The following HOXB3 variants were observed in gnomAD, a reference collection of about 807,000 sequenced individuals.
HOXB3 encodes the protein homeobox protein Hox-B3.
Under a neutral mutation model 29.2 loss-of-function variants are expected in HOXB3, and 17 were observed. That is an observed-to-expected ratio of 0.58 (90% CI 0.40 to 0.87). HOXB3 has a LOEUF of 0.87. HOXB3 is among the 40% of genes least tolerant of loss of function. The pLI is 0.00. For missense variants in HOXB3, 637 were observed against 616.3 expected (o/e 1.03, Z -0.35); for synonymous variants, 317 against 285.9 (o/e 1.11, Z -1.10).
chr17:48,560,710 G>C (rs2069161890), intron 2 of HOXB3, among the ~76,000 whole-genome samples: 1 of 152,218 alleles, frequency 6.6e-6, no homozygotes, highest in South Asian at 2.1e-4. Flanking sequence ...AGCAAGTATA[G>C]AGTGGGAGTC....
At chr17:48,582,335 C>G (rs1419578252) in intron 1 of HOXB3, 1 of 152,426 alleles carries the variant, frequency 6.6e-6, no homozygotes, top group East Asian at 1.9e-4. Flanking sequence ...CGCCCGCGGA[C>G]GCGCCGGGCA....
chr17:48,583,502 T>A (rs1055813356), intron 1 of HOXB3, among the ~76,000 whole-genome samples: 2 of 152,180 alleles, frequency 1.3e-5, no homozygotes, highest in Non-Finnish European at 2.9e-5. Context: ...GTCAGGTGAC[T>A]CCCTTTCCTC....
chr17:48,552,415 C>T lies in HOXB3; in HGVS notation c.60G>A (p.Ser20=), dbSNP rs754370144. 5.0e-6 allele frequency: 8 copies of T among 1,609,476 alleles called. No individual in the cohort carries two copies. The highest frequency in any genetic ancestry group is 2.2e-5 in the East Asian group (1 of 44,816). Residue 20 remains serine, a synonymous_variant, in exon 4 of 5, where the codon TCG becomes TCA. Coordinates refer to ENST00000498678, the MANE Select transcript of HOXB3 (RefSeq NM_001384749.1). ...AGCCGAAGCCATTGCTGCCAGGGTACGAGGAATAGCCTCCGAAGAGAGCAG... is the reference window on the plus strand; with the variant it reads ...AGCCGAAGCCATTGCTGCCAGGGTATGAGGAATAGCCTCCGAAGAGAGCAG... ...AAAALFGGYS[S]YPGSNGFGFD... is the part of the protein sequence containing the mutation.
intron 2 of HOXB3, 25 bp downstream of exon 2, chr17:48,573,812 C>T (rs1176478399): frequency 1.4e-6 from 1 of 701,270 alleles, no homozygotes; most frequent in Non-Finnish European, 2.6e-6. Flanking sequence ...TCAAAACACG[C>T]CAGCCCGGGC....
At chr17:48,562,285 C>G (rs2069224850) in intron 2 of HOXB3, among the ~76,000 whole-genome samples, 1 of 152,138 alleles carries the variant, frequency 6.6e-6, no homozygotes, top group South Asian at 2.1e-4. Flanking sequence ...CACCCGACCC[C>G]CTCCCTGCCC....
intron 1 of HOXB3, chr17:48,580,935 G>C (rs1016455204): frequency 6.6e-6 from 1 of 152,212 alleles, no homozygotes; most frequent in Non-Finnish European, 1.5e-5. Flanking sequence ...TTGGGCTGGA[G>C]GGAACTGAGA....
rs565004609 is a variant in HOXB3, at chr17:48,550,108, T to A, written c.*226A>T. 5 of 563,256 alleles carry A rather than the reference T, an allele frequency of 8.9e-6. No homozygotes were observed. The highest frequency in any genetic ancestry group is 3.1e-5 in the Admixed American group (1 of 31,746). The allele number at this position is 563,256 out of a possible 1,614,324, so 34.9% of individuals were successfully genotyped here. On this transcript the variant is annotated 3_prime_UTR_variant, in exon 5 of 5. Coordinates refer to ENST00000498678, the MANE Select transcript of HOXB3 (RefSeq NM_001384749.1). ...GTTGATGGGGTCATCTCCAATATGA[T>A]GTGGATTCCTTTCCGATGGGTTGGC...
intron 1 of HOXB3, among the ~76,000 whole-genome samples, chr17:48,585,028 A>G (rs1345547538): frequency 6.6e-6 from 1 of 150,900 alleles, no homozygotes; most frequent in African/African-American, 2.4e-5. Context: ...CACTGGCCTC[A>G]CCACCCAGGG....
At chr17:48,560,679 G>A (rs1052445674) in intron 2 of HOXB3, among the ~76,000 whole-genome samples, 46 of 152,168 alleles carry the variant, frequency 3.0e-4, no homozygotes, top group African/African-American at 1.1e-3. Context: ...TTTGGAACTG[G>A]GGGAGGAGCT....
At chr17:48,578,411 A>G in intron 1 of HOXB3, 1 of 1,465,502 alleles carries the variant, frequency 6.8e-7, no homozygotes, top group Non-Finnish European at 9.0e-7. Context: ...ACTTACTGTC[A>G]AGTGAACAAA....
At chr17:48,576,765 C>G (rs2069778329) in intron 1 of HOXB3, 4 of 1,613,698 alleles carry the variant, frequency 2.5e-6, no homozygotes, top group Non-Finnish European at 3.4e-6. Context: ...AGGGGGCCCT[C>G]CGGCTGAGCC....
chr17:48,589,436 T>C (rs1311968207), intron 1 of HOXB3, among the ~76,000 whole-genome samples: 6 of 152,074 alleles, frequency 3.9e-5, no homozygotes, highest in Non-Finnish European at 1.5e-5. Flanking sequence ...GTCTGCTCCC[T>C]AGTCTGACTT....
chr17:48,554,963 T>C lies in HOXB3; in HGVS notation c.-159+568A>G, dbSNP rs1444932380. 6.5e-6 allele frequency: 4 copies of C among 614,220 alleles called. No homozygotes were observed. In the East Asian group the frequency reaches 1.1e-4, roughly 17 times the overall value. The allele number at this position is 614,220 out of a possible 1,614,324, so 38.0% of individuals were successfully genotyped here. ...AACAGATCTATTTCCCTTGCCTCCATGTTGGAAAAATTCAGGTTCCATATG... is the reference window on the plus strand; with the variant it reads ...AACAGATCTATTTCCCTTGCCTCCACGTTGGAAAAATTCAGGTTCCATATG... On this transcript the variant is annotated intron_variant, in intron 3 of 4. Coordinates refer to ENST00000498678, the MANE Select transcript of HOXB3 (RefSeq NM_001384749.1). This position sits in a 1 kb window ranked among gnomAD's most constrained non-coding sequence, Gnocchi z 4.1.
intron 2 of HOXB3, chr17:48,560,306 C>G (rs528341232): frequency 6.6e-6 from 1 of 152,370 alleles, no homozygotes; most frequent in South Asian, 2.1e-4. Context: ...GGATTAATGA[C>G]CAATCAGCGA....
intron 2 of HOXB3, among the ~76,000 whole-genome samples, chr17:48,569,065 C>CT (rs113253769): frequency 0.62 from 93,977 of 150,700 alleles, 29,497 homozygotes; most frequent in East Asian, 0.76. Flanking sequence ...CTCTCTCCCC[C>CT]CTCTCTTTTT....
At position 48,551,074 on chromosome 17, in the gene HOXB3, C is replaced by T. The variant is rs1451550837; in HGVS notation, c.556G>A (p.Ala186Thr). The change falls in exon 5 of 5, where the codon GCG becomes ACG. Residue 186 changes from alanine to threonine, a missense_variant. Physicochemically the swap from Ala to Thr is moderately conservative, Grantham distance 58. Coordinates refer to ENST00000498678, the MANE Select transcript of HOXB3 (RefSeq NM_001384749.1). ...GCCGTCCGCGCCCGCTTGGACGCCG[C>T]CGACCCCGGGGGGCTCTTGTCCCCT... is the stretch of plus-strand genomic sequence containing the variant. ...GGGDKSPPGS[A>T]ASKRARTAYT... The T allele has an allele frequency of 6.5e-6, 10 of 1,536,506 alleles. No individual in the cohort carries two copies. Among genetic ancestry groups the T allele is most frequent in the Non-Finnish European group, 7.9e-6 (9 of 1,137,046 alleles).
At chr17:48,568,636 C>T (rs1168256997) in intron 2 of HOXB3, among the ~76,000 whole-genome samples, 1 of 145,986 alleles carries the variant, frequency 6.8e-6, no homozygotes, top group African/African-American at 2.5e-5. Flanking sequence ...CAGACGCGCA[C>T]GCACACACAC....
At chr17:48,576,924 C>T in intron 1 of HOXB3, 1 of 1,614,238 alleles carries the variant, frequency 6.2e-7, no homozygotes, top group Non-Finnish European at 8.5e-7. Flanking sequence ...TGTCAGGTAG[C>T]GGTTGTAGTG....
At chr17:48,584,860 T>C (rs1485083331) in intron 1 of HOXB3, among the ~76,000 whole-genome samples, 1 of 152,052 alleles carries the variant, frequency 6.6e-6, no homozygotes, top group Non-Finnish European at 1.5e-5. Context: ...AAGTCTTCCT[T>C]ACCTCCAGCA....
Sources: gnomAD v4.1 joint callset for allele counts (sites outside exome capture counted in the v4.1 genomes callset) on GRCh38, gnomAD v4.1.1 for gene constraint, Gnocchi (gnomAD v3.1) non-coding constraint, MANE v1.5 for transcripts, NCBI Gene and HGNC (gene_info 2026-07-23, HGNC 2026-07-21) for gene names.